Variants in MTMR1 observed in about 807,000 individuals in gnomAD.
The protein encoded by MTMR1 is myotubularin related protein 1, also known as phosphatidylinositol-3-phosphate phosphatase MTMR1.
Under a neutral mutation model 51.6 loss-of-function variants are expected in MTMR1, and 17 were observed. The observed-to-expected ratio is 0.33, with a 90% CI of 0.23 to 0.49. The LOEUF is 0.49. Among genes scored for constraint, MTMR1 ranks in the 20% least tolerant of loss-of-function variants. The pLI, the probability that MTMR1 is intolerant of heterozygous loss-of-function variation, is 0.99. For missense variants in MTMR1, 386 were observed against 526.9 expected (o/e 0.73, Z 2.62); for synonymous variants, 201 against 205.6 (o/e 0.98, Z 0.19).
chrX:150,703,805 T>C (rs1182840905), intron 2 of MTMR1, among the ~76,000 whole-genome samples: 1 of 111,799 alleles, frequency 8.9e-6, no homozygotes. Flanking sequence ...CATGGAACAG[T>C]TCACAAATCT....
chrX:150,729,744 C>T (rs2042053826), intron 6 of MTMR1, among the ~76,000 whole-genome samples: 2 of 111,856 alleles, frequency 1.8e-5, no homozygotes, highest in South Asian at 3.7e-4. Context: ...TGGGGCCAGG[C>T]GCAGTGGCTC....
chrX:150,718,750 G>A (rs1158661904), intron 4 of MTMR1, 50 bp downstream of exon 4: 14 of 1,145,243 alleles, frequency 1.2e-5, no homozygotes, highest in Middle Eastern at 2.4e-4. Context: ...AAATGAAATG[G>A]CACTTAATTT....
At chrX:150,742,526 T>G (rs1307151120) in intron 12 of MTMR1, among the ~76,000 whole-genome samples, 1 of 111,279 alleles carries the variant, frequency 9.0e-6, no homozygotes, top group Non-Finnish European at 1.9e-5. Flanking sequence ...CTTGAAAACA[T>G]GCTCAGCAGG....
chrX:150,708,277 C>T (rs1557416124), intron 2 of MTMR1, among the ~76,000 whole-genome samples: 2 of 111,532 alleles, frequency 1.8e-5, no homozygotes, highest in African/African-American at 6.5e-5. Context: ...GCATGTGGTT[C>T]TACAATGATC....
chrX:150,750,264 T>C (rs1276272591), intron 13 of MTMR1, among the ~76,000 whole-genome samples: 1 of 112,353 alleles, frequency 8.9e-6, no homozygotes, highest in African/African-American at 3.2e-5. Flanking sequence ...ATGTTATGAC[T>C]GGATGTACTG....
chrX:150,695,761 C>G (rs2040649558), intron 1 of MTMR1, among the ~76,000 whole-genome samples: 2 of 111,708 alleles, frequency 1.8e-5, no homozygotes, highest in Non-Finnish European at 3.8e-5. Flanking sequence ...GAGATTCAAA[C>G]TGGGGAGTCA....
intron 2 of MTMR1, among the ~76,000 whole-genome samples, chrX:150,710,414 T>G (rs1275963509): frequency 9.0e-6 from 1 of 111,567 alleles, no homozygotes; most frequent in Non-Finnish European, 1.9e-5. Context: ...CAGGCTGGAG[T>G]GCAGTGTGTG....
chrX:150,702,961 T>C (rs1369565514), intron 2 of MTMR1, among the ~76,000 whole-genome samples: 3 of 112,052 alleles, frequency 2.7e-5, no homozygotes, highest in Non-Finnish European at 5.6e-5. Flanking sequence ...TTACACAAAA[T>C]GTAATAAAAT....
intron 4 of MTMR1, 50 bp downstream of exon 4, chrX:150,718,750 G>T: frequency 8.7e-7 from 1 of 1,145,247 alleles, no homozygotes; most frequent in Non-Finnish European, 1.2e-6. Flanking sequence ...AAATGAAATG[G>T]CACTTAATTT....
intron 13 of MTMR1, among the ~76,000 whole-genome samples, chrX:150,745,620 G>A (rs985547861): frequency 9.0e-6 from 1 of 111,523 alleles, no homozygotes; most frequent in East Asian, 2.8e-4. Flanking sequence ...TGTGCTGTCC[G>A]GCTCCCCAGC....
At chrX:150,761,378 C>T (rs1165942403) in intron 15 of MTMR1, among the ~76,000 whole-genome samples, 6 of 112,181 alleles carry the variant, frequency 5.3e-5, no homozygotes, top group African/African-American at 1.6e-4. Flanking sequence ...CTTGCGGTCT[C>T]GCTCTCATCC....
intron 10 of MTMR1, among the ~76,000 whole-genome samples, chrX:150,734,873 T>C (rs1158903135): frequency 8.9e-6 from 1 of 112,289 alleles, no homozygotes; most frequent in African/African-American, 3.2e-5. Context: ...GATTGAAAAA[T>C]GTCTCCCAAA....
intron 12 of MTMR1, among the ~76,000 whole-genome samples, chrX:150,740,086 G>A (rs2042382658): frequency 9.0e-6 from 1 of 111,159 alleles, no homozygotes; most frequent in South Asian, 3.9e-4. Flanking sequence ...TCCCATTGGT[G>A]TGGAGACATT....
intron 2 of MTMR1, among the ~76,000 whole-genome samples, chrX:150,705,852 A>C (rs1220047790): frequency 1.8e-5 from 2 of 111,939 alleles, no homozygotes; most frequent in Admixed American, 1.9e-4. Context: ...TATAGATATA[A>C]GATTAATATA....
At position 150,732,665 on chromosome X, in the gene MTMR1, A is replaced by G. The variant is rs1557417033; in HGVS notation, c.1015A>G (p.Asn339Asp). 8.3e-7 allele frequency: 1 copy of G among 1,209,934 alleles called. No homozygotes were observed. Among genetic ancestry groups the G allele is most frequent in the Non-Finnish European group, 1.1e-6 (1 of 894,953 alleles). The part of the protein sequence containing the change: ...EKYLQTIMDA[N>D]AQSHKLIIFD... ...ATACTTGCAAACAATAATGGATGCT[A>G]ACGCACAGTCACACAAGCTTATCAT... The change falls in exon 10 of 16, where the codon AAC (asparagine) becomes GAC (aspartate). Residue 339 changes from asparagine (N) to aspartate (D), a missense_variant. Physicochemically the swap from Asn to Asp is conservative, Grantham distance 23. Transcript: ENST00000445323.
rs1255925382 is a variant in MTMR1, at chrX:150,755,597, C to A, written c.1681-92C>A. 1.3e-5 allele frequency: 9 copies of A among 695,125 alleles called. No homozygotes were observed. In the Admixed American group the frequency reaches 4.2e-4, roughly 33 times the overall value. 57.3% of individuals were successfully genotyped at this position (695,125 alleles called of 1,213,427 possible). A position where few individuals can be genotyped will look rare whatever the true frequency, so the allele number is the denominator to read the frequency against. On this transcript the variant is annotated intron_variant, in intron 14 of 15. Coordinates refer to ENST00000445323, the MANE Select transcript of MTMR1 (RefSeq NM_001306144.3). The stretch of plus-strand genomic sequence containing the variant: ...TCATGAATTTTTCAGCGTTTGAATT[C>A]ACTTCATTATTCAAGTCCTTTTCTC...
intron 13 of MTMR1, 140 bp downstream of exon 13, chrX:150,744,593 T>A: frequency 1.9e-6 from 1 of 516,554 alleles, no homozygotes; most frequent in Non-Finnish European, 3.1e-6. Context: ...TCTAATTCGC[T>A]TAGAAATATA....
chrX:150,709,033 G>C (rs1234155642), intron 2 of MTMR1, among the ~76,000 whole-genome samples: 1 of 111,682 alleles, frequency 9.0e-6, no homozygotes, highest in African/African-American at 3.3e-5. Context: ...CGAATCCTTC[G>C]GAGTTGGGAA....
chrX:150,703,852 G>T (rs980259613), intron 2 of MTMR1, among the ~76,000 whole-genome samples: 11 of 105,853 alleles, frequency 1.0e-4, no homozygotes, highest in Non-Finnish European at 2.1e-4. Context: ...GAACTGGAGA[G>T]TACAGAATGC....
Sources: gnomAD v4.1 joint callset for allele counts (sites outside exome capture counted in the v4.1 genomes callset) on GRCh38, gnomAD v4.1.1 for gene constraint, MANE v1.5 for transcripts, NCBI Gene and HGNC (gene_info 2026-07-23, HGNC 2026-07-21) for gene names.